Variants in MAP2K4 observed in about 807,000 individuals in gnomAD.
MAP2K4 encodes dual specificity mitogen-activated protein kinase kinase 4.
In MAP2K4, 4 loss-of-function variants were observed where a neutral mutation model predicts 48.5. That is an observed-to-expected ratio of 0.08 (90% CI 0.04 to 0.19). MAP2K4 has a LOEUF of 0.19. Among genes scored for constraint, MAP2K4 ranks in the 10% least tolerant of loss-of-function variants. MAP2K4 has a pLI of 1.00. For synonymous variants in MAP2K4, 166 were observed against 173.1 expected (o/e 0.96, Z 0.32); for missense variants, 258 against 493.3 (o/e 0.52, Z 4.52).
chr17:12,108,011 C>T (rs993421078), intron 5 of MAP2K4, 102 bp downstream of exon 5: 1 of 1,065,752 alleles, frequency 9.4e-7, no homozygotes, highest in East Asian at 2.8e-5. Context: ...CAGTACCTTC[C>T]TGAAAATAAT....
At chr17:12,089,472 A>G (rs1971491776) in intron 3 of MAP2K4, among the ~76,000 whole-genome samples, 1 of 152,162 alleles carries the variant, frequency 6.6e-6, no homozygotes, top group South Asian at 2.1e-4. Flanking sequence ...TGCCTGGAAG[A>G]ATCTCTAAAG....
At chr17:12,048,719 C>T (rs1274974406) in intron 1 of MAP2K4, among the ~76,000 whole-genome samples, 3 of 152,152 alleles carry the variant, frequency 2.0e-5, no homozygotes, top group South Asian at 2.1e-4. Context: ...TGCAATGGCG[C>T]GATCTCTGCT....
intron 4 of MAP2K4, among the ~76,000 whole-genome samples, chr17:12,106,170 A>G (rs1374678074): frequency 6.6e-6 from 1 of 152,048 alleles, no homozygotes; most frequent in Non-Finnish European, 1.5e-5. Context: ...CTGTTTTTAT[A>G]AGTGGATGAA....
Position 12,038,801 on chromosome 17 carries a change from A to T in MAP2K4, c.116-16088A>T, listed in dbSNP as rs1409884102. On this transcript the variant is annotated intron_variant, in intron 1 of 10. Transcript: ENST00000353533. ...GGTTAAATAAAATTTCCAAAGTCAT[A>T]TAGCTAATAAGGGGCAGAACTGTGT... 3.3e-5 allele frequency among the ~76,000 whole-genome samples: 5 copies of T among 152,178 alleles called. No individual in the cohort carries two copies. In the East Asian group the frequency reaches 9.6e-4, roughly 29 times the overall value.
chr17:12,129,061 A>AT, intron 8 of MAP2K4, 78 bp from the exon 9 acceptor site: 2 of 1,449,768 alleles, frequency 1.4e-6, no homozygotes, highest in East Asian at 2.3e-5. Flanking sequence ...TGTAGTTTAG[A>AT]TTTTTTTGTG....
At chr17:12,103,399 G>T (rs1473562338) in intron 4 of MAP2K4, among the ~76,000 whole-genome samples, 1 of 151,734 alleles carries the variant, frequency 6.6e-6, no homozygotes, top group Non-Finnish European at 1.5e-5. Flanking sequence ...TTTTGACGGG[G>T]AGCGGTGTTC....
chr17:12,118,198 A>G (rs972042867), intron 7 of MAP2K4, among the ~76,000 whole-genome samples: 10 of 152,220 alleles, frequency 6.6e-5, no homozygotes, highest in Non-Finnish European at 8.8e-5. Flanking sequence ...ATGAAAATTC[A>G]ACATCAGAAC....
chr17:12,109,069 ACT>A (rs879853290), intron 5 of MAP2K4, among the ~76,000 whole-genome samples: 15 of 151,998 alleles, frequency 9.9e-5, no homozygotes, highest in East Asian at 1.9e-4. Context: ...CTTCATAGTA[ACT>A]CTCTGTGGTA....
chr17:12,067,236 A>G (rs150966322), intron 2 of MAP2K4, among the ~76,000 whole-genome samples: 6 of 152,330 alleles, frequency 3.9e-5, no homozygotes, highest in African/African-American at 1.4e-4. Context: ...ATTAAAAACA[A>G]TGTTTTAGAG....
intron 2 of MAP2K4, among the ~76,000 whole-genome samples, chr17:12,075,722 G>A (rs1970980109): frequency 6.6e-6 from 1 of 152,206 alleles, no homozygotes; most frequent in East Asian, 1.9e-4. Context: ...ACTAGGTACA[G>A]TGGGCACCTT....
intron 1 of MAP2K4, among the ~76,000 whole-genome samples, chr17:12,037,337 C>T (rs1404914264): frequency 6.6e-6 from 1 of 152,052 alleles, no homozygotes; most frequent in African/African-American, 2.4e-5. Flanking sequence ...AGTTTACTGA[C>T]CTGCTAAGAA....
At chr17:12,026,635 C>G (rs888502988) in intron 1 of MAP2K4, among the ~76,000 whole-genome samples, 1 of 152,208 alleles carries the variant, frequency 6.6e-6, no homozygotes, top group South Asian at 2.1e-4. Flanking sequence ...GCCTTTGCTC[C>G]TCTTACTACT....
rs9913513 is a variant in MAP2K4 at position 12,023,719 on chromosome 17, A to G, written c.115+2718A>G. ...CAGGCTGGCCAATATTGCTTTCTTA[A>G]TATACTGCTTAAGAACCAGAGCTCT... On this transcript the variant is annotated intron_variant, in intron 1 of 10. Transcript: ENST00000353533. 2.0e-3 allele frequency among the ~76,000 whole-genome samples: 307 copies of G among 152,230 alleles called. 2 individuals carry two copies. Among genetic ancestry groups the G allele is most frequent in the African/African-American group, 6.8e-3 (284 of 41,542 alleles).
At chr17:12,124,083 AAAAC>A (rs1412532049) in intron 7 of MAP2K4, among the ~76,000 whole-genome samples, 1 of 152,210 alleles carries the variant, frequency 6.6e-6, no homozygotes, top group East Asian at 1.9e-4. Flanking sequence ...ACAACAAAAA[AAAAC>A]AAAGTAAATA....
At chr17:12,090,341 G>T (rs1163842822) in intron 3 of MAP2K4, among the ~76,000 whole-genome samples, 1 of 152,112 alleles carries the variant, frequency 6.6e-6, no homozygotes, top group African/African-American at 2.4e-5. Context: ...TAAGGTGTGT[G>T]CTGACCTCTC....
intron 3 of MAP2K4, chr17:12,082,098 G>T: frequency 3.1e-6 from 1 of 318,418 alleles, no homozygotes; most frequent in Non-Finnish European, 6.9e-6. Context: ...TGATAATGTT[G>T]TCACATTTTG....
chr17:12,027,158 G>C (rs1224708141), intron 1 of MAP2K4, among the ~76,000 whole-genome samples: 1 of 152,102 alleles, frequency 6.6e-6, no homozygotes, highest in Non-Finnish European at 1.5e-5. Flanking sequence ...GCTCGGTAAG[G>C]TTGGGAGTTT....
chr17:12,070,833 A>T (rs1469358159), intron 2 of MAP2K4, among the ~76,000 whole-genome samples: 2 of 152,208 alleles, frequency 1.3e-5, no homozygotes, highest in Non-Finnish European at 2.9e-5. Flanking sequence ...GTGACTCATG[A>T]TTTAGATGGT....
intron 7 of MAP2K4, among the ~76,000 whole-genome samples, chr17:12,121,706 A>G (rs186704611): frequency 1.7e-4 from 26 of 152,064 alleles, no homozygotes; most frequent in Admixed American, 7.9e-4. Flanking sequence ...AAGGTCTCGC[A>G]TTCTTATAAT....
Sources: gnomAD v4.1 joint callset for allele counts (sites outside exome capture counted in the v4.1 genomes callset) on GRCh38, gnomAD v4.1.1 for gene constraint, MANE v1.5 for transcripts, NCBI Gene and HGNC (gene_info 2026-07-23, HGNC 2026-07-21) for gene names.